EPG5: variants seen among roughly 807,000 people sequenced by gnomAD.
EPG5 encodes ectopic P granules protein 5 homolog.
A neutral mutation model predicts 302.7 loss-of-function variants in EPG5; 159 were observed. That is an observed-to-expected ratio of 0.53 (90% confidence interval 0.46 to 0.60). The LOEUF is 0.60. Among genes scored for constraint, EPG5 ranks in the 20% least tolerant of loss-of-function variants. The probability of loss-of-function intolerance (pLI) is 0.00; values close to 1 mark genes in which losing one functional copy is unlikely to be tolerated. For missense variants in EPG5, 2,896 were observed against 3,092.4 expected, an observed-to-expected ratio of 0.94 and a Z score of 1.51; for synonymous variants, 1,158 against 1,136.8, an observed-to-expected ratio of 1.02 and a Z score of -0.37.
intron 38 of EPG5, among the ~76,000 whole-genome samples, chr18:45,866,293 G>C (rs574242054): frequency 1.3e-5 from 2 of 152,030 alleles, no homozygotes; most frequent in African/African-American, 4.8e-5. Context: ...GCTAATTTTT[G>C]TATTTTTAGT....
At chr18:45,840,280 C>A in the EPG5 span, 7 of 1,591,840 alleles carry the variant, frequency 4.4e-6, no homozygotes, top group Non-Finnish European at 6.0e-6. Flanking sequence ...CCTACCCCAC[C>A]CACCTAGTCC....
At chr18:45,805,683 T>C in the EPG5 span, among the ~76,000 whole-genome samples, 1 of 152,042 alleles carries the variant, frequency 6.6e-6, no homozygotes. Context: ...AGTAAATAGA[T>C]GCAAAAGTAT....
At chr18:45,810,166 A>C in the EPG5 span, among the ~76,000 whole-genome samples, 1 of 152,182 alleles carries the variant, frequency 6.6e-6, no homozygotes, top group African/African-American at 2.4e-5. Flanking sequence ...TTAAATCAGG[A>C]AGAATTAAAC....
chr18:45,825,097 G>C, the EPG5 span, among the ~76,000 whole-genome samples: 1 of 141,930 alleles, frequency 7.0e-6, no homozygotes, highest in African/African-American at 2.6e-5. Context: ...ACCAGGCCCA[G>C]AGACCCAACC....
chr18:45,917,916 C>G (rs2050069348), intron 16 of EPG5, 97 bp from the exon 17 acceptor site: 1 of 1,278,576 alleles, frequency 7.8e-7, no homozygotes, highest in South Asian at 1.4e-5. Context: ...CTTGGGTTAT[C>G]TCAGGTCTCC....
At chr18:45,870,487 T>C (rs1025370618) in intron 36 of EPG5, 80 bp downstream of exon 36, 12 of 1,296,432 alleles carry the variant, frequency 9.3e-6, no homozygotes, top group African/African-American at 4.4e-5. Flanking sequence ...ACTGCCACTA[T>C]GCCTAACAAC....
Position 45,852,280 on chromosome 18 carries a change from AACACACACAC to A in EPG5, c.*177_*186del, listed in dbSNP as rs112643058. The A allele has an allele frequency of 1.6e-5, 8 of 488,494 alleles. No individual in the cohort carries two copies. The highest frequency in any genetic ancestry group is 6.1e-5 in the African/African-American group (3 of 49,082). The allele number at this position is 488,494 out of a possible 1,614,324, so 30.3% of individuals were successfully genotyped here. ...CCCAGAAGGTCTTAAGAGCTAAGAA[AACACACACAC>A]ACACACACACACACCCCAAAATTAT... On this transcript the variant is annotated 3_prime_UTR_variant, in exon 44 of 44. Transcript: ENST00000282041.
intron 13 of EPG5, among the ~76,000 whole-genome samples, chr18:45,926,953 C>T (rs774732008): frequency 4.3e-4 from 66 of 152,092 alleles, no homozygotes; most frequent in Non-Finnish European, 7.2e-4. Context: ...CAACAGAAAA[C>T]TTCCTACTGT....
Position 45,907,986 on chromosome 18 carries a change from C to T in EPG5, c.4301G>A (p.Arg1434Lys). Residue 1434 changes from arginine (R) to lysine (K), a missense_variant, in exon 24 of 44, where the codon AGG becomes AAG. Around this residue, in one of 5 missense-constraint regions of EPG5, gnomAD observed 790 missense variants for 798.0 expected, o/e 0.99. Transcript: ENST00000282041. Reference sequence around the variant, plus strand: ...CTGATTCTGCATCACTTTTGCTAGCCTGTGAATATCATAATGCTTTGGTAG... The same window carrying T: ...CTGATTCTGCATCACTTTTGCTAGCTTGTGAATATCATAATGCTTTGGTAG... ...PSLPKHYDIH[R>K]LAKVMQNQQD... 1 of 1,586,050 alleles carries T rather than the reference C, an allele frequency of 6.3e-7. No individual in the cohort carries two copies. Among genetic ancestry groups the T allele is most frequent in the Non-Finnish European group, 8.5e-7 (1 of 1,172,342 alleles).
At position 45,908,028 on chromosome 18, in the gene EPG5, T is replaced by C; in HGVS notation, c.4259A>G (p.Asp1420Gly). The change falls in exon 24 of 44, where the codon GAT becomes GGT. Residue 1420 changes from aspartate to glycine, a missense_variant. This residue lies in a region of EPG5 where 790 missense variants were observed against 798.0 expected (regional missense o/e 0.99). Coordinates refer to ENST00000282041, the MANE Select transcript of EPG5 (RefSeq NM_020964.3). Reference protein sequence around the residue: ...WLEDENFQKGDTYIPSLPKHY... With the variant: ...WLEDENFQKGGTYIPSLPKHY... ...CTTTGGTAGAGAAGGGATATAGGTA[T>C]CTCCTTTTTGAAAATTCTCATCTTC... The C allele has an allele frequency of 1.9e-6, 3 of 1,596,354 alleles. No individual in the cohort carries two copies. Among genetic ancestry groups the C allele is most frequent in the Non-Finnish European group, 2.6e-6 (3 of 1,172,402 alleles).
intron 12 of EPG5, among the ~76,000 whole-genome samples, chr18:45,929,754 A>G (rs2050357442): frequency 6.6e-6 from 1 of 152,222 alleles, no homozygotes; most frequent in Non-Finnish European, 1.5e-5. Flanking sequence ...AGTTTTTCAG[A>G]TCATGAAGAC....
rs778805689 is a variant in EPG5, at chr18:45,858,619, A to G, written c.7173T>C (p.Asn2391=). The G allele has an allele frequency of 6.2e-7, 1 of 1,614,166 alleles. No individual in the cohort carries two copies. The highest frequency in any genetic ancestry group is 8.5e-7 in the Non-Finnish European group (1 of 1,180,030). ...TTAAGATGAGCAGCACTTTCATTTC[A>G]TTCCTTAAAGTCTGTTCGCTGTTTA... ...QCLNSEQTLR[N]EMKVLLILSK... The change falls in exon 41 of 44, where the codon AAT becomes AAC. Residue 2391 remains asparagine, a synonymous_variant. Transcript: ENST00000282041.
chr18:45,825,292 G>C, the EPG5 span, among the ~76,000 whole-genome samples: 1 of 147,418 alleles, frequency 6.8e-6, no homozygotes, highest in Non-Finnish European at 1.5e-5. Context: ...AGAAGGGAGG[G>C]AGAAAGGGAG....
At chr18:45,944,674 G>A (rs535228670) in intron 7 of EPG5, among the ~76,000 whole-genome samples, 24 of 152,172 alleles carry the variant, frequency 1.6e-4, no homozygotes, top group African/African-American at 5.8e-4. Flanking sequence ...AGAATTATTT[G>A]AACCTGGGAG....
At chr18:45,896,063 T>A (rs2049465053) in intron 27 of EPG5, among the ~76,000 whole-genome samples, 1 of 152,254 alleles carries the variant, frequency 6.6e-6, no homozygotes, top group Non-Finnish European at 1.5e-5. Context: ...TTGCCATTAA[T>A]GTGTAACAAA....
chr18:45,832,068 T>C, the EPG5 span, among the ~76,000 whole-genome samples: 3 of 152,210 alleles, frequency 2.0e-5, no homozygotes, highest in Admixed American at 6.5e-5. Context: ...CCCTGAGCAC[T>C]TTCCCACCAC....
intron 18 of EPG5, 111 bp from the exon 19 acceptor site, chr18:45,916,317 C>T: frequency 6.6e-7 from 1 of 1,524,828 alleles, no homozygotes; most frequent in South Asian, 1.3e-5. Flanking sequence ...TATTGCCTTT[C>T]TTGGCCAAAA....
At chr18:45,846,413 C>T (rs1053938763), downstream of EPG5, among the ~76,000 whole-genome samples, 9 of 148,814 alleles carry the variant, frequency 6.0e-5, no homozygotes, top group Non-Finnish European at 8.9e-5. Flanking sequence ...CCCAGCTACT[C>T]GGGAGGGTGA....
At chr18:45,958,213 T>C (rs1005617550) in intron 1 of EPG5, among the ~76,000 whole-genome samples, 2 of 152,118 alleles carry the variant, frequency 1.3e-5, no homozygotes, top group African/African-American at 4.8e-5. Flanking sequence ...GGAAAGACAA[T>C]CTATGTCTTT....
Sources: allele counts gnomAD v4.1 joint callset (sites outside exome capture counted in the v4.1 genomes callset), GRCh38; gene constraint gnomAD v4.1.1; regional missense constraint gnomAD v4.1.1; transcripts MANE v1.5; gene names NCBI Gene and HGNC (gene_info 2026-07-23, HGNC 2026-07-21).